ME3: variants seen among roughly 807,000 people sequenced by gnomAD.
ME3 encodes the protein malic enzyme 3.
Under a neutral mutation model 68.9 loss-of-function variants are expected in ME3, and 48 were observed. That is an observed-to-expected ratio of 0.70 (90% CI 0.55 to 0.89). ME3 has a LOEUF of 0.89. Ranked by LOEUF, ME3 falls within the 40% of genes least tolerant of loss-of-function variation. The pLI is 0.00. For missense variants in ME3, 675 were observed against 797.4 expected (o/e 0.85, Z 1.85); for synonymous variants, 320 against 318.8 (o/e 1.00, Z -0.04).
rs1179621206 is a variant in ME3 at position 86,594,699 on chromosome 11, C to CA, written c.184-34877dup. Among the ~76,000 whole-genome samples, 34 of 145,020 alleles carry CA rather than the reference C, an allele frequency of 2.3e-4. 5 individuals are homozygous for CA. The highest frequency in any genetic ancestry group is 4.8e-4 in the African/African-American group (19 of 39,360). ...TCTCAAAAAACAATACAAAAAAACA[C>CA]AAAAAAACAAAAAAACGAAACAAAG... is the stretch of plus-strand genomic sequence containing the variant. On this transcript the variant is annotated intron_variant, in intron 2 of 14. Coordinates refer to ENST00000543262, the Ensembl canonical transcript of ME3.
At chr11:86,448,385 G>T in intron 10 of ME3, 130 bp from the exon 11 acceptor site, 1 of 668,092 alleles carries the variant, frequency 1.5e-6, no homozygotes, top group Non-Finnish European at 2.6e-6. Context: ...CAGATGTTTT[G>T]GGGCCCATCT....
chr11:86,475,874 T>TATATATATATATATATAGAGAGAGAGAG, intron 7 of ME3, among the ~76,000 whole-genome samples: 7 of 91,468 alleles, frequency 7.7e-5, no homozygotes, highest in African/African-American at 2.0e-4. Context: ...TATATATATA[T>TATATATATATATATATAGAGAGAGAGAG]AGAGAGAGAG....
intron 2 of ME3, among the ~76,000 whole-genome samples, chr11:86,627,760 A>G (rs1329697637): frequency 6.6e-6 from 1 of 152,186 alleles, no homozygotes; most frequent in African/African-American, 2.4e-5. Flanking sequence ...AGCAGATTTA[A>G]TGTCCAGCAG....
chr11:86,497,168 C>G (rs1396654499), intron 6 of ME3, among the ~76,000 whole-genome samples: 3 of 151,966 alleles, frequency 2.0e-5, no homozygotes, highest in Admixed American at 6.6e-5. Context: ...ATTTTTAGTA[C>G]AGATGGGATT....
chr11:86,476,650 G>A (rs978969210), intron 7 of ME3, among the ~76,000 whole-genome samples: 4 of 152,094 alleles, frequency 2.6e-5, no homozygotes, highest in East Asian at 1.9e-4. Context: ...AGGAACACAC[G>A]GACCATACTG....
intron 4 of ME3, among the ~76,000 whole-genome samples, chr11:86,528,654 G>A (rs1445211665): frequency 1.3e-5 from 2 of 151,940 alleles, no homozygotes; most frequent in Non-Finnish European, 2.9e-5. Context: ...ATAACAAACT[G>A]TCTCTCAGAC....
rs1456348380 is a variant in ME3 at position 86,471,779 on chromosome 11, CAT to C, written c.810-6581_810-6580del. Among the ~76,000 whole-genome samples the C allele has an allele frequency of 4.6e-5, 7 of 152,172 alleles. 1 individual carries two copies. Among genetic ancestry groups the C allele is most frequent in the Non-Finnish European group, 1.5e-5 (1 of 68,040 alleles). On this transcript the variant is annotated intron_variant, in intron 7 of 14. Transcript: ENST00000543262. ...AGAAGTTCAAGGCCAGCCTGGGTAACATAGTGAGACCCATATCTTAGAAGAAC... is the reference window on the plus strand; with the variant it reads ...AGAAGTTCAAGGCCAGCCTGGGTAACAGTGAGACCCATATCTTAGAAGAAC...
At chr11:86,441,744 T>C (rs1949006444) in intron 14 of ME3, among the ~76,000 whole-genome samples, 1 of 152,196 alleles carries the variant, frequency 6.6e-6, no homozygotes. Flanking sequence ...AGTTTCCTCA[T>C]CTGTAAAATG....
At position 86,441,693 on chromosome 11, in the gene ME3, C is replaced by T. The variant is rs534442362; in HGVS notation, c.1654-253G>A. Among the ~76,000 whole-genome samples, 4 of 152,244 alleles carry T rather than the reference C, an allele frequency of 2.6e-5. No homozygotes were observed. The East Asian group carries it at 5.8e-4, about 22-fold the overall frequency. On this transcript the variant is annotated intron_variant, in intron 14 of 14. Transcript: ENST00000543262. ...CATAAATTCTGCCTGCTTCCAAAGG[C>T]CTGTGGGTCCTCAGAGCTGATATTA... is the stretch of plus-strand genomic sequence containing the variant.
At chr11:86,466,865 T>G (rs1950507694) in intron 7 of ME3, among the ~76,000 whole-genome samples, 1 of 152,202 alleles carries the variant, frequency 6.6e-6, no homozygotes, top group Admixed American at 6.5e-5. Flanking sequence ...AGGCCGGACC[T>G]GGCTCTCCAC....
chr11:86,617,042 G>A (rs1454070232), intron 2 of ME3, among the ~76,000 whole-genome samples: 2 of 59,418 alleles, frequency 3.4e-5, no homozygotes, highest in Non-Finnish European at 7.8e-5. Context: ...CTCCAAGATA[G>A]TAGTTTTTTT....
intron 2 of ME3, among the ~76,000 whole-genome samples, chr11:86,599,978 C>A (rs1315196555): frequency 6.6e-6 from 1 of 152,176 alleles, no homozygotes; most frequent in African/African-American, 2.4e-5. Flanking sequence ...CAACTGGTAC[C>A]AGCCACTGCA....
chr11:86,530,935 T>C (rs1158989882), intron 4 of ME3, among the ~76,000 whole-genome samples: 2 of 152,118 alleles, frequency 1.3e-5, no homozygotes, highest in East Asian at 3.8e-4. Context: ...GACATAGGCA[T>C]GTGCAAGGAC....
intron 2 of ME3, among the ~76,000 whole-genome samples, chr11:86,569,772 A>G (rs1226369666): frequency 6.6e-6 from 1 of 152,168 alleles, no homozygotes; most frequent in Non-Finnish European, 1.5e-5. Context: ...GTGGACTAGG[A>G]AACTGAGGTT....
At chr11:86,642,100 T>C (rs2135385380) in intron 2 of ME3, among the ~76,000 whole-genome samples, 1 of 152,358 alleles carries the variant, frequency 6.6e-6, no homozygotes, top group South Asian at 2.1e-4. Flanking sequence ...GCCAAATTTG[T>C]GAAAGGTTCA....
At chr11:86,572,541 G>T (rs763824870) in intron 2 of ME3, among the ~76,000 whole-genome samples, 3 of 152,138 alleles carry the variant, frequency 2.0e-5, no homozygotes, top group Non-Finnish European at 4.4e-5. Flanking sequence ...CGTTTGGCTT[G>T]CTGTTCCTGT....
intron 4 of ME3, among the ~76,000 whole-genome samples, chr11:86,514,923 AG>A (rs1953787703): frequency 6.6e-6 from 1 of 152,156 alleles, no homozygotes. Context: ...ATGTCCAGAG[AG>A]ATATTTGGCT....
At chr11:86,611,197 G>A (rs1331559710) in intron 2 of ME3, among the ~76,000 whole-genome samples, 1 of 152,112 alleles carries the variant, frequency 6.6e-6, no homozygotes, top group Non-Finnish European at 1.5e-5. Context: ...TAAACAAGTT[G>A]AACTCATAAC....
chr11:86,609,868 C>T (rs1372631603), intron 2 of ME3, among the ~76,000 whole-genome samples: 2 of 152,132 alleles, frequency 1.3e-5, no homozygotes. Context: ...TCTAGAAACA[C>T]AGTAAGCAAA....
Sources: allele counts gnomAD v4.1 joint callset (sites outside exome capture counted in the v4.1 genomes callset), GRCh38; gene constraint gnomAD v4.1.1; transcripts MANE v1.5; gene names NCBI Gene and HGNC (gene_info 2026-07-23, HGNC 2026-07-21).